Variants in PRDM5 observed in about 807,000 individuals in gnomAD.
PRDM5 encodes the protein PR/SET domain 5.
A neutral mutation model predicts 81.2 loss-of-function variants in PRDM5; 56 were observed. The ratio of observed to expected loss-of-function variants is 0.69; its 90% CI spans 0.56 to 0.86. The LOEUF is 0.86. Ranked by LOEUF, PRDM5 falls within the 40% of genes least tolerant of loss-of-function variation. The pLI is 0.00. For missense variants in PRDM5, 697 were observed against 770.1 expected (o/e 0.91, Z 1.12); for synonymous variants, 267 against 256.4 (o/e 1.04, Z -0.39).
chr4:120,685,282 TTAAG>T (rs1733789287), intron 1 of PRDM5, among the ~76,000 whole-genome samples: 1 of 152,038 alleles, frequency 6.6e-6, no homozygotes, highest in African/African-American at 2.4e-5. Flanking sequence ...ATTGATTAGA[TTAAG>T]TTTTAAGATA....
chr4:120,820,770 C>G (rs991078648), intron 4 of PRDM5, among the ~76,000 whole-genome samples: 1 of 152,234 alleles, frequency 6.6e-6, no homozygotes, highest in Non-Finnish European at 1.5e-5. Flanking sequence ...CTCACCTTTT[C>G]CTATATGCAG....
intron 2 of PRDM5, among the ~76,000 whole-genome samples, chr4:120,899,727 T>A (rs1483696583): frequency 6.6e-6 from 1 of 152,164 alleles, no homozygotes; most frequent in African/African-American, 2.4e-5. Flanking sequence ...TCAATCCTTA[T>A]ATTATCTATC....
chr4:120,913,922 C>T (rs536995197), intron 1 of PRDM5, among the ~76,000 whole-genome samples: 1 of 152,210 alleles, frequency 6.6e-6, no homozygotes, highest in Non-Finnish European at 1.5e-5. Context: ...GACAGCCTAT[C>T]TGCCAGTGCA....
chr4:120,882,628 T>C (rs544035641), intron 2 of PRDM5, among the ~76,000 whole-genome samples: 3 of 152,348 alleles, frequency 2.0e-5, no homozygotes, highest in Admixed American at 6.5e-5. Flanking sequence ...AAATACCATG[T>C]ATATAATGCA....
chr4:120,866,396 TC>T (rs1417932249), intron 2 of PRDM5, among the ~76,000 whole-genome samples: 8 of 152,250 alleles, frequency 5.3e-5, no homozygotes, highest in Admixed American at 1.3e-4. Flanking sequence ...CATTTTATAC[TC>T]ATTTATTCTA....
intron 14 of PRDM5, among the ~76,000 whole-genome samples, chr4:120,723,802 T>G (rs187613477): frequency 6.6e-6 from 1 of 152,242 alleles, no homozygotes; most frequent in Non-Finnish European, 1.5e-5. Context: ...TTGTCAGAGT[T>G]GGGAGAGCAG....
chr4:120,735,781 G>A (rs1741016225), intron 14 of PRDM5, among the ~76,000 whole-genome samples: 1 of 152,100 alleles, frequency 6.6e-6, no homozygotes, highest in Non-Finnish European at 1.5e-5. Context: ...CACCTGGACA[G>A]GATAACAAAA....
At chr4:120,707,181 G>A (rs879591904) in intron 15 of PRDM5, among the ~76,000 whole-genome samples, 1 of 151,942 alleles carries the variant, frequency 6.6e-6, no homozygotes, top group Non-Finnish European at 1.5e-5. Flanking sequence ...AAACAAACAA[G>A]CAAGCAAAAT....
chr4:120,755,797 C>T (rs1744648432), intron 13 of PRDM5, among the ~76,000 whole-genome samples: 2 of 152,168 alleles, frequency 1.3e-5, no homozygotes, highest in Non-Finnish European at 2.9e-5. Context: ...TTCTCCCCAA[C>T]TTTGTTTCCA....
chr4:120,824,989 T>G (rs1438402935), intron 3 of PRDM5, among the ~76,000 whole-genome samples: 2 of 152,160 alleles, frequency 1.3e-5, no homozygotes. Flanking sequence ...ATTACTTTTG[T>G]AGTAAAAGAT....
rs770239636 is a variant in PRDM5, at chr4:120,821,194, C to G, written c.452G>C (p.Arg151Thr). 1 of 1,614,112 alleles carries G rather than the reference C, an allele frequency of 6.2e-7. No individual in the cohort carries two copies. The highest frequency in any genetic ancestry group is 1.7e-5 in the Admixed American group (1 of 60,010). ...IKEGEVENSR[R>T]QSTAGRKDRL... ...ACCTTTTCTGCCCGCTGTTGATTGTCTTCTAGAATTTTCAACTTCCCCTTC... is the reference window on the plus strand; with the variant it reads ...ACCTTTTCTGCCCGCTGTTGATTGTGTTCTAGAATTTTCAACTTCCCCTTC... Residue 151 changes from arginine (R) to threonine (T), a missense_variant, in exon 4 of 16, where the codon AGA becomes ACA. Transcript: ENST00000264808.
In PRDM5 at chr4:120,754,571, G is replaced by A. The variant is rs150476884; in HGVS notation, c.1605C>T (p.His535=). The stretch of plus-strand genomic sequence containing the variant: ...ATCTTACCCTGGTGTGAGTACGAAT[G>A]TGCATCTTCAGTCCATCATTTTTAC... ...GFSKNDGLKM[H]IRTHTREKPY... The change falls in exon 14 of 16, where the codon CAC becomes CAT. Residue 535 remains histidine, a synonymous_variant. Coordinates refer to ENST00000264808, the MANE Select transcript of PRDM5 (RefSeq NM_018699.4). 1.2e-5 allele frequency: 19 copies of A among 1,583,322 alleles called. No homozygotes were observed. In the African/African-American group the frequency reaches 2.3e-4, roughly 19 times the overall value.
intron 3 of PRDM5, chr4:120,839,257 G>A (rs767581621): frequency 2.3e-5 from 16 of 702,984 alleles, no homozygotes; most frequent in Admixed American, 4.0e-5. Flanking sequence ...GCCATTCGGC[G>A]GGTCCCAAAT....
intron 14 of PRDM5, among the ~76,000 whole-genome samples, chr4:120,731,367 C>A (rs1028398575): frequency 7.7e-6 from 1 of 129,266 alleles, no homozygotes; most frequent in Non-Finnish European, 1.7e-5. Context: ...CAGAGGTCTT[C>A]TTTTTTTTTT....
intron 2 of PRDM5, among the ~76,000 whole-genome samples, chr4:120,898,456 G>C (rs1764895962): frequency 6.6e-6 from 1 of 152,134 alleles, no homozygotes; most frequent in South Asian, 2.1e-4. Context: ...TCCTCAAAGA[G>C]TAACCCTCTA....
intron 14 of PRDM5, among the ~76,000 whole-genome samples, chr4:120,742,700 G>A (rs1457148549): frequency 6.6e-6 from 1 of 152,174 alleles, no homozygotes; most frequent in Non-Finnish European, 1.5e-5. Flanking sequence ...TGAAATGAAT[G>A]AAATGAAGCG....
chr4:120,860,914 A>C (rs1760491163), intron 2 of PRDM5, among the ~76,000 whole-genome samples: 1 of 152,198 alleles, frequency 6.6e-6, no homozygotes, highest in African/African-American at 2.4e-5. Flanking sequence ...AAGACTTTAA[A>C]TCCTGTTAAA....
Position 120,922,669 on chromosome 4 carries a change from C to G in PRDM5, c.-61G>C, listed in dbSNP as rs556802821. On this transcript the variant is annotated 5_prime_UTR_variant, in exon 1 of 16. Coordinates refer to ENST00000264808, the MANE Select transcript of PRDM5 (RefSeq NM_018699.4). ...CCGGCGCTTAGCGCCCGGCAGGCGG[C>G]ACATCGAAATTTGGGGTGCCAGGGT... is the stretch of plus-strand genomic sequence containing the variant. The G allele has an allele frequency of 4.1e-4, 634 of 1,560,366 alleles. No homozygotes were observed. The highest frequency in any genetic ancestry group is 5.2e-4 in the Non-Finnish European group (603 of 1,152,050).
At chr4:120,893,694 C>T (rs1344256156) in intron 2 of PRDM5, among the ~76,000 whole-genome samples, 3 of 152,160 alleles carry the variant, frequency 2.0e-5, no homozygotes, top group Non-Finnish European at 4.4e-5. Context: ...CTTAAGTCTA[C>T]CATTAGGATT....
Sources: allele counts gnomAD v4.1 joint callset (sites outside exome capture counted in the v4.1 genomes callset), GRCh38; gene constraint gnomAD v4.1.1; transcripts MANE v1.5; gene names NCBI Gene and HGNC (gene_info 2026-07-23, HGNC 2026-07-21).